The following GABBR2 variants were observed in gnomAD, a reference collection of about 807,000 sequenced individuals.
The protein encoded by GABBR2 is gamma-aminobutyric acid type B receptor subunit 2, also known as G-protein coupled receptor 51.
In GABBR2, 23 loss-of-function variants were observed where a neutral mutation model predicts 105.6. The observed-to-expected ratio is 0.22, with a 90% confidence interval of 0.16 to 0.31. The LOEUF (loss-of-function observed/expected upper bound fraction) is 0.31. Ranked by LOEUF, GABBR2 falls within the 10% of genes least tolerant of loss-of-function variation. The pLI, the probability that GABBR2 is intolerant of heterozygous loss-of-function variation, is 1.00. For missense variants in GABBR2, 734 were observed against 1,245.5 expected, an observed-to-expected ratio of 0.59 and a Z score of 6.18; for synonymous variants, 478 against 499.7, an observed-to-expected ratio of 0.96 and a Z score of 0.58.
chr9:98,362,621 G>T, intron 13 of GABBR2, 94 bp downstream of exon 13: 1 of 973,392 alleles, frequency 1.0e-6, no homozygotes, highest in Non-Finnish European at 1.4e-6. Flanking sequence ...TCCCAGTGGG[G>T]TACTGGGCAG....
intron 7 of GABBR2, among the ~76,000 whole-genome samples, chr9:98,422,514 GTGTGTGTC>G (rs1158207360): frequency 2.6e-5 from 4 of 151,780 alleles, no homozygotes; most frequent in South Asian, 2.1e-4. Flanking sequence ...GTGTGTGTGT[GTGTGTGTC>G]TGTGTGTGTG....
At chr9:98,570,676 A>C (rs547115778) in intron 2 of GABBR2, among the ~76,000 whole-genome samples, 1 of 152,294 alleles carries the variant, frequency 6.6e-6, no homozygotes, top group Non-Finnish European at 1.5e-5. Flanking sequence ...TGCAAACACA[A>C]GCCACCCTTA....
intron 11 of GABBR2, among the ~76,000 whole-genome samples, chr9:98,382,903 C>T (rs554173189): frequency 3.9e-5 from 6 of 152,284 alleles, no homozygotes; most frequent in Non-Finnish European, 7.4e-5. Context: ...GACTTCCATG[C>T]GCTTTGGTTA....
At chr9:98,354,047 A>G (rs640184) in intron 13 of GABBR2, among the ~76,000 whole-genome samples, 132,577 of 152,234 alleles carry the variant, frequency 0.87, 58,033 homozygotes, top group African/African-American at 0.95. Flanking sequence ...ACCCAGTCTC[A>G]GGTATTTCTT....
chr9:98,553,099 G>T (rs1828520854), intron 2 of GABBR2, among the ~76,000 whole-genome samples: 1 of 151,846 alleles, frequency 6.6e-6, no homozygotes, highest in South Asian at 2.1e-4. Flanking sequence ...GCCCAGGCTG[G>T]TCTGAAACTC....
chr9:98,704,768 T>A (rs576513910), intron 1 of GABBR2, among the ~76,000 whole-genome samples: 16 of 146,086 alleles, frequency 1.1e-4, no homozygotes, highest in Admixed American at 3.5e-4. Context: ...TGAAAAAAAA[T>A]ATCTTTAACT....
chr9:98,410,703 T>A (rs1451305826), intron 7 of GABBR2, among the ~76,000 whole-genome samples: 1 of 151,874 alleles, frequency 6.6e-6, no homozygotes, highest in African/African-American at 2.4e-5. Context: ...CGGAGGCCTG[T>A]CTACCTGGGC....
chr9:98,385,962 C>T (rs1401616515), intron 10 of GABBR2, among the ~76,000 whole-genome samples, 190 bp from the exon 11 acceptor site: 2 of 152,180 alleles, frequency 1.3e-5, no homozygotes, highest in South Asian at 2.1e-4. Flanking sequence ...TCAGATTTTC[C>T]CCAACACCCA....
chr9:98,357,756 C>T (rs1055970101), intron 13 of GABBR2, among the ~76,000 whole-genome samples: 8 of 152,050 alleles, frequency 5.3e-5, no homozygotes, highest in African/African-American at 1.9e-4. Flanking sequence ...AACAGAATTG[C>T]CAGAGCCTTA....
chr9:98,516,558 A>G (rs1827759654), intron 3 of GABBR2, among the ~76,000 whole-genome samples: 1 of 152,224 alleles, frequency 6.6e-6, no homozygotes, highest in African/African-American at 2.4e-5. Flanking sequence ...AACGGCAGCA[A>G]CAGAACACTA....
In GABBR2 at chr9:98,335,524, C is replaced by T. The variant is rs181561596; in HGVS notation, c.1894-24319G>A. ...GAACCCATGGCAACTTTAAAAAATT[C>T]CTGATGCACAGGGCCCTTTCTAAGC... On this transcript the variant is annotated intron_variant, in intron 13 of 18. Coordinates refer to ENST00000259455, the MANE Select transcript of GABBR2 (RefSeq NM_005458.8). Among the ~76,000 whole-genome samples the T allele has an allele frequency of 3.5e-3, 529 of 152,238 alleles. 2 individuals carry two copies. The highest frequency in any genetic ancestry group is 6.2e-3 in the Non-Finnish European group (420 of 68,026).
intron 2 of GABBR2, among the ~76,000 whole-genome samples, chr9:98,546,682 C>T (rs371464488): frequency 6.6e-6 from 1 of 152,158 alleles, no homozygotes; most frequent in East Asian, 1.9e-4. Context: ...TTTAAATACA[C>T]ATCTTGAAAA....
At chr9:98,437,568 T>C (rs1825947832) in intron 7 of GABBR2, among the ~76,000 whole-genome samples, 1 of 150,778 alleles carries the variant, frequency 6.6e-6, no homozygotes, top group African/African-American at 2.5e-5. Context: ...CTTTCATCCA[T>C]CCATCCACCC....
chr9:98,387,482 T>G (rs1832094541), intron 10 of GABBR2, among the ~76,000 whole-genome samples: 1 of 152,224 alleles, frequency 6.6e-6, no homozygotes. Flanking sequence ...AAGGTTTGTA[T>G]GGAGTGGACA....
chr9:98,604,681 AATGC>A (rs1829386650), intron 1 of GABBR2, among the ~76,000 whole-genome samples: 1 of 152,168 alleles, frequency 6.6e-6, no homozygotes, highest in Admixed American at 6.5e-5. Flanking sequence ...TAAGAATCAT[AATGC>A]TGGTGAGAAA....
chr9:98,390,396 A>AAAAAAAAAC (rs1832159089), intron 9 of GABBR2, among the ~76,000 whole-genome samples: 1 of 149,612 alleles, frequency 6.7e-6, no homozygotes, highest in African/African-American at 2.5e-5. Flanking sequence ...AAAAAAAAAA[A>AAAAAAAAAC]AAAAAATAGA....
intron 7 of GABBR2, among the ~76,000 whole-genome samples, chr9:98,443,466 T>C (rs1564070963): frequency 6.6e-6 from 1 of 152,196 alleles, no homozygotes; most frequent in Non-Finnish European, 1.5e-5. Flanking sequence ...TGCTGTACAT[T>C]GTCTGCAGTC....
At position 98,634,142 on chromosome 9, in the gene GABBR2, T is replaced by C. The variant is rs368432044; in HGVS notation, c.322-56070A>G. On this transcript the variant is annotated intron_variant, in intron 1 of 18. Transcript: ENST00000259455. ...TGACTATAGGAGTGCCTATTAGGTG[T>C]AGGGTAGGACAATAAGCATCAGCTC... Among the ~76,000 whole-genome samples the C allele has an allele frequency of 2.4e-4, 36 of 152,226 alleles. 1 individual carries two copies. The highest frequency in any genetic ancestry group is 8.7e-4 in the African/African-American group (36 of 41,540).
At chr9:98,412,582 C>G (rs1357816977) in intron 7 of GABBR2, among the ~76,000 whole-genome samples, 5 of 152,196 alleles carry the variant, frequency 3.3e-5, no homozygotes, top group African/African-American at 1.2e-4. Flanking sequence ...CAAAGTTTTT[C>G]TCTGACCTTC....
Sources: allele counts gnomAD v4.1 joint callset (sites outside exome capture counted in the v4.1 genomes callset), GRCh38; gene constraint gnomAD v4.1.1; transcripts MANE v1.5; gene names NCBI Gene and HGNC (gene_info 2026-07-23, HGNC 2026-07-21).